Variants in HHAT observed in about 807,000 individuals in gnomAD.
HHAT encodes the protein hedgehog acyltransferase.
Under a neutral mutation model 70.8 loss-of-function variants are expected in HHAT, and 47 were observed. That is an observed-to-expected ratio of 0.66 (90% CI 0.53 to 0.85). HHAT has a LOEUF of 0.85. Among genes scored for constraint, HHAT ranks in the 40% least tolerant of loss-of-function variants. The probability of loss-of-function intolerance (pLI) is 0.00; values close to 1 mark genes in which losing one functional copy is unlikely to be tolerated. For synonymous variants in HHAT, 228 were observed against 247.6 expected (o/e 0.92, Z 0.74); for missense variants, 609 against 604.8 (o/e 1.01, Z -0.07).
intron 9 of HHAT, among the ~76,000 whole-genome samples, chr1:210,524,083 C>T (rs1200709722): frequency 6.6e-6 from 1 of 152,028 alleles, no homozygotes; most frequent in Non-Finnish European, 1.5e-5. Flanking sequence ...ATGATGGTTG[C>T]CAGGGGGTGG....
At chr1:210,380,032 T>C (rs560724936) in intron 3 of HHAT, among the ~76,000 whole-genome samples, 3 of 152,346 alleles carry the variant, frequency 2.0e-5, no homozygotes, top group East Asian at 3.9e-4. Context: ...TGCTCCACTT[T>C]TGGTATCTCT....
chr1:210,368,926 A>C (rs192726241), intron 3 of HHAT, among the ~76,000 whole-genome samples: 64 of 152,104 alleles, frequency 4.2e-4, no homozygotes, highest in Non-Finnish European at 7.5e-4. Flanking sequence ...AAAAATACAA[A>C]AATTAGCTGG....
intron 4 of HHAT, among the ~76,000 whole-genome samples, chr1:210,394,715 C>T (rs2091682488): frequency 6.6e-6 from 1 of 152,130 alleles, no homozygotes; most frequent in African/African-American, 2.4e-5. Flanking sequence ...AGAAGCCTGA[C>T]CCATGGTGCT....
chr1:210,380,185 G>A (rs2148112720), intron 3 of HHAT, among the ~76,000 whole-genome samples: 1 of 152,280 alleles, frequency 6.6e-6, no homozygotes, highest in Middle Eastern at 3.4e-3. Context: ...TAATCTATAT[G>A]TAGACCCTGT....
chr1:210,472,469 C>T (rs189207876), intron 8 of HHAT, among the ~76,000 whole-genome samples: 1 of 152,262 alleles, frequency 6.6e-6, no homozygotes, highest in East Asian at 1.9e-4. Context: ...GGAACTGAAG[C>T]AGATTTCTCC....
intron 10 of HHAT, chr1:210,590,542 C>CAAAAAAAAAAAAAAAA (rs55690211): frequency 2.5e-5 from 1 of 40,608 alleles, no homozygotes; most frequent in Non-Finnish European, 4.7e-5. Context: ...AGTTCCAGTC[C>CAAAAAAAAAAAAAAAA]AAAAAAAAAA....
At chr1:210,575,995 C>T (rs1657644109) in intron 9 of HHAT, among the ~76,000 whole-genome samples, 1 of 152,070 alleles carries the variant, frequency 6.6e-6, no homozygotes, top group South Asian at 2.1e-4. Flanking sequence ...CCCTGACACA[C>T]CCACATACCC....
intron 11 of HHAT, among the ~76,000 whole-genome samples, chr1:210,656,669 G>T (rs1676491164): frequency 6.6e-6 from 1 of 152,194 alleles, no homozygotes; most frequent in African/African-American, 2.4e-5. Context: ...GATGGAGGAA[G>T]GGTAGAGATG....
chr1:210,621,129 G>A (rs1218419066), intron 10 of HHAT, among the ~76,000 whole-genome samples: 1 of 152,110 alleles, frequency 6.6e-6, no homozygotes, highest in Non-Finnish European at 1.5e-5. Context: ...GTCCTGCTTA[G>A]CAGCCCCAGG....
intron 4 of HHAT, among the ~76,000 whole-genome samples, chr1:210,397,468 C>CTGCTT (rs1558433498): frequency 3.5e-4 from 52 of 148,902 alleles, no homozygotes; most frequent in African/African-American, 1.3e-3. Flanking sequence ...TATGTCTGCT[C>CTGCTT]TTATTACCCT....
At chr1:210,511,400 C>G (rs1238813308) in intron 8 of HHAT, among the ~76,000 whole-genome samples, 1 of 152,104 alleles carries the variant, frequency 6.6e-6, no homozygotes, top group Non-Finnish European at 1.5e-5. Flanking sequence ...TGTCCATTGT[C>G]TGTAAAGAGA....
intron 8 of HHAT, among the ~76,000 whole-genome samples, chr1:210,470,779 A>G (rs1332950982): frequency 6.6e-6 from 1 of 152,174 alleles, no homozygotes; most frequent in Non-Finnish European, 1.5e-5. Context: ...ATAGTGTTTG[A>G]GGCCACAGAT....
Position 210,539,117 on chromosome 1 carries a change from A to G in HHAT, c.1043+25929A>G, listed in dbSNP as rs10863841. Among the ~76,000 whole-genome samples the G allele has an allele frequency of 0.022, 3,425 of 152,266 alleles. 209 individuals carry two copies. In the East Asian group the frequency reaches 0.24, roughly 11 times the overall value. ...CAGAAAGAGAGCCATGTGGAGGCACATTCTGCTGTAATTTTTGAATTATGG... is the reference window on the plus strand; with the variant it reads ...CAGAAAGAGAGCCATGTGGAGGCACGTTCTGCTGTAATTTTTGAATTATGG... On this transcript the variant is annotated intron_variant, in intron 9 of 11. Transcript: ENST00000261458.
intron 10 of HHAT, among the ~76,000 whole-genome samples, chr1:210,616,922 T>C (rs1481100952): frequency 6.6e-6 from 1 of 152,252 alleles, no homozygotes; most frequent in Non-Finnish European, 1.5e-5. Flanking sequence ...TAGATTGATA[T>C]TGTCTAGCCC....
chr1:210,666,766 G>A (rs1274470772), intron 11 of HHAT, among the ~76,000 whole-genome samples: 10 of 152,010 alleles, frequency 6.6e-5, no homozygotes, highest in Non-Finnish European at 1.5e-4. Context: ...TTATAGGCAT[G>A]AGCCACCATG....
At chr1:210,529,448 CTT>C (rs980662040) in intron 9 of HHAT, among the ~76,000 whole-genome samples, 1 of 152,038 alleles carries the variant, frequency 6.6e-6, no homozygotes, top group Non-Finnish European at 1.5e-5. Flanking sequence ...TTTATTGTGA[CTT>C]GTGTAAAATT....
At chr1:210,664,757 C>G (rs1678529423) in intron 11 of HHAT, among the ~76,000 whole-genome samples, 1 of 152,182 alleles carries the variant, frequency 6.6e-6, no homozygotes. Flanking sequence ...CACATGTGAC[C>G]CCTCTTTTTG....
chr1:210,655,253 G>A (rs143927620), intron 11 of HHAT, among the ~76,000 whole-genome samples: 1 of 152,188 alleles, frequency 6.6e-6, no homozygotes, highest in East Asian at 1.9e-4. Context: ...TGAACAGAAA[G>A]CATGGAGGAG....
At chr1:210,381,880 G>A (rs568079020) in intron 3 of HHAT, among the ~76,000 whole-genome samples, 6 of 152,312 alleles carry the variant, frequency 3.9e-5, no homozygotes, top group African/African-American at 9.6e-5. Context: ...CACTTAGGGC[G>A]TCTCGGTGAG....
Sources: allele counts gnomAD v4.1 joint callset (sites outside exome capture counted in the v4.1 genomes callset), GRCh38; gene constraint gnomAD v4.1.1; transcripts MANE v1.5; gene names NCBI Gene and HGNC (gene_info 2026-07-23, HGNC 2026-07-21).